The following RB1 variants were observed in gnomAD, a reference collection of about 807,000 sequenced individuals.
The protein encoded by RB1 is RB transcriptional corepressor 1.
In RB1, 18 loss-of-function variants were observed where a neutral mutation model predicts 135.4. The ratio of observed to expected loss-of-function variants is 0.13; its 90% CI spans 0.09 to 0.20. The LOEUF is 0.20. RB1 is among the 10% of genes least tolerant of loss of function. The pLI, the probability that RB1 is intolerant of heterozygous loss-of-function variation, is 1.00. For missense variants in RB1, 868 were observed against 1,110.0 expected (o/e 0.78, Z 3.10); for synonymous variants, 365 against 373.2 (o/e 0.98, Z 0.25).
chr13:48,317,166 G>A, intron 2 of RB1: 1 of 681,854 alleles, frequency 1.5e-6, no homozygotes, highest in East Asian at 4.2e-5. Context: ...AGAGAAGGAC[G>A]GGCCCTGTGG....
chr13:48,410,446 G>A (rs555971661), intron 17 of RB1, among the ~76,000 whole-genome samples: 1 of 152,178 alleles, frequency 6.6e-6, no homozygotes, highest in East Asian at 1.9e-4. Context: ...ATGTTTGCAC[G>A]ACATAATTAC....
At chr13:48,325,420 A>T (rs771107979) in intron 2 of RB1, among the ~76,000 whole-genome samples, 17 of 151,890 alleles carry the variant, frequency 1.1e-4, no homozygotes, top group Admixed American at 6.6e-4. Context: ...AATTTTACCC[A>T]ATTGAAGTCT....
At chr13:48,434,983 C>G (rs1949169088) in intron 17 of RB1, among the ~76,000 whole-genome samples, 1 of 152,162 alleles carries the variant, frequency 6.6e-6, no homozygotes. Flanking sequence ...AATATCAGGA[C>G]AGGTTCTAGT....
At chr13:48,386,124 AGCGAGACT>A (rs987159698) in intron 17 of RB1, among the ~76,000 whole-genome samples, 2 of 152,154 alleles carry the variant, frequency 1.3e-5, no homozygotes, top group Admixed American at 6.5e-5. Flanking sequence ...GAGGCAACAC[AGCGAGACT>A]CTGTCTCAAA....
At chr13:48,451,516 T>C (rs1301388344) in intron 17 of RB1, among the ~76,000 whole-genome samples, 2 of 152,172 alleles carry the variant, frequency 1.3e-5, no homozygotes, top group African/African-American at 2.4e-5. Flanking sequence ...CTGGATTTGG[T>C]TTGCCAGTAT....
intron 4 of RB1, among the ~76,000 whole-genome samples, chr13:48,347,162 A>G (rs1465707987): frequency 1.3e-5 from 2 of 152,084 alleles, no homozygotes; most frequent in Non-Finnish European, 2.9e-5. Context: ...TACATTGTAT[A>G]TGTTTAAGGG....
chr13:48,359,309 G>T (rs1952618170), intron 6 of RB1, among the ~76,000 whole-genome samples: 1 of 151,202 alleles, frequency 6.6e-6, no homozygotes, highest in Admixed American at 6.6e-5. Context: ...TTTTATAGAT[G>T]ACTTTAAATT....
intron 2 of RB1, among the ~76,000 whole-genome samples, chr13:48,313,685 A>G (rs886745925): frequency 6.6e-6 from 1 of 151,198 alleles, no homozygotes; most frequent in East Asian, 1.9e-4. Flanking sequence ...TCAGTTGACT[A>G]TAAAAACCAG....
In RB1 at chr13:48,336,681, T is replaced by C. The variant is rs529666020; in HGVS notation, c.265-5918T>C. On this transcript the variant is annotated intron_variant, in intron 2 of 26. Transcript: ENST00000267163. ...TTTGAAGGGTTTTTTGTGTCTCTAT[T>C]TCCTTCAGTTCTGCTCTGATCTTAG... 2.2e-3 allele frequency among the ~76,000 whole-genome samples: 338 copies of C among 151,324 alleles called. 1 individual carries two copies. The highest frequency in any genetic ancestry group is 3.9e-3 in the Non-Finnish European group (267 of 67,726).
intron 20 of RB1, among the ~76,000 whole-genome samples, chr13:48,461,922 T>C (rs1949408208): frequency 1.3e-5 from 2 of 152,258 alleles, no homozygotes; most frequent in South Asian, 2.1e-4. Flanking sequence ...AATCTTCGCC[T>C]TCTGGGTTCA....
Position 48,464,958 on chromosome 13 carries a change from C to CTTTTTTTTTTTTTTTTTTTTT in RB1, c.2212-36_2212-16dup, listed in dbSNP as rs553094345. ...AAATTCATTTAACAAGTAAATTTTA[C>CTTTTTTTTTTTTTTTTTTTTT]TTTTTTTTTTTTTTTTTTTTTTTTA... On this transcript the variant is annotated intron_variant, in intron 21 of 26. Coordinates refer to ENST00000267163, the MANE Select transcript of RB1 (RefSeq NM_000321.3). 70 of 832,620 alleles carry CTTTTTTTTTTTTTTTTTTTTT rather than the reference C, an allele frequency of 8.4e-5. 2 individuals are homozygous for CTTTTTTTTTTTTTTTTTTTTT. Among genetic ancestry groups the CTTTTTTTTTTTTTTTTTTTTT allele is most frequent in the East Asian group, 2.6e-4 (5 of 19,010 alleles). The allele number at this position is 832,620 out of a possible 1,614,324, so 51.6% of individuals were successfully genotyped here.
intron 17 of RB1, among the ~76,000 whole-genome samples, chr13:48,401,043 T>C (rs187460429): frequency 6.6e-6 from 1 of 152,276 alleles, no homozygotes; most frequent in Admixed American, 6.5e-5. Context: ...TTCACTGTTA[T>C]ATTACAGTTG....
intron 11 of RB1, among the ~76,000 whole-genome samples, chr13:48,371,432 A>G (rs1362037002): frequency 6.6e-6 from 1 of 152,204 alleles, no homozygotes; most frequent in Non-Finnish European, 1.5e-5. Context: ...AGGCCTTACT[A>G]CCACAGACAT....
intron 17 of RB1, among the ~76,000 whole-genome samples, chr13:48,392,672 G>A (rs1215717276): frequency 6.6e-6 from 1 of 151,846 alleles, no homozygotes; most frequent in Non-Finnish European, 1.5e-5. Flanking sequence ...TGGGATATAG[G>A]TATTATAACT....
intron 11 of RB1, 21 bp downstream of exon 11, chr13:48,368,625 AATTAT>A (rs1421927380): frequency 6.2e-7 from 1 of 1,607,216 alleles, no homozygotes; most frequent in African/African-American, 1.3e-5. Flanking sequence ...TCCTACTTTT[AATTAT>A]ATTATAATTT....
At position 48,342,607 on chromosome 13, in the gene RB1, T is replaced by C. The variant is rs750136284; in HGVS notation, c.273T>C (p.Tyr91=). The change falls in exon 3 of 27, where the codon TAT becomes TAC. Residue 91 remains tyrosine, a synonymous_variant. Transcript: ENST00000267163. ...TTATTTTTTGTTCCCAGGGAGGTTA[T>C]ATTCAAAAGAAAAAGGAACTGTGGG... ...VSSVDGVLGG[Y]IQKKKELWGI... is the part of the protein sequence containing the mutation. The C allele has an allele frequency of 3.8e-5, 61 of 1,594,342 alleles. No homozygotes were observed. Among genetic ancestry groups the C allele is most frequent in the Non-Finnish European group, 5.0e-5 (58 of 1,162,572 alleles).
At chr13:48,457,169 A>T (rs1949365677) in intron 19 of RB1, among the ~76,000 whole-genome samples, 1 of 152,174 alleles carries the variant, frequency 6.6e-6, no homozygotes, top group African/African-American at 2.4e-5. Flanking sequence ...AGCTTAGAGA[A>T]GACCCATAGT....
chr13:48,413,559 C>G (rs1948855827), intron 17 of RB1, among the ~76,000 whole-genome samples: 1 of 152,060 alleles, frequency 6.6e-6, no homozygotes, highest in Non-Finnish European at 1.5e-5. Flanking sequence ...GGCCTTTAAC[C>G]TTTAAGGTAT....
intron 11 of RB1, 29 bp downstream of exon 11, chr13:48,368,633 T>G (rs753869472): frequency 5.6e-6 from 9 of 1,601,652 alleles, no homozygotes; most frequent in Middle Eastern, 1.9e-4. Flanking sequence ...TTAATTATAT[T>G]ATAATTTTGT....
Sources: allele counts gnomAD v4.1 joint callset (sites outside exome capture counted in the v4.1 genomes callset), GRCh38; gene constraint gnomAD v4.1.1; transcripts MANE v1.5; gene names NCBI Gene and HGNC (gene_info 2026-07-23, HGNC 2026-07-21).